STARD3NL: variants seen among roughly 807,000 people sequenced by gnomAD.
STARD3NL encodes STARD3 N-terminal like.
A neutral mutation model predicts 30.9 loss-of-function variants in STARD3NL; 17 were observed. The observed-to-expected ratio is 0.55, with a 90% confidence interval of 0.38 to 0.82. The LOEUF is 0.82. STARD3NL is among the 40% of genes least tolerant of loss of function. The pLI is 0.00. For missense variants in STARD3NL, 234 were observed against 277.6 expected, an observed-to-expected ratio of 0.84 and a Z score of 1.12; for synonymous variants, 112 against 100.5, an observed-to-expected ratio of 1.11 and a Z score of -0.69.
chr7:38,219,981 A>G (rs771170651), intron 7 of STARD3NL, among the ~76,000 whole-genome samples: 31 of 152,272 alleles, frequency 2.0e-4, no homozygotes, highest in Non-Finnish European at 3.8e-4. Context: ...TAGGACTCCC[A>G]TATCTGAGAA....
chr7:38,204,500 A>G (rs942000936), intron 1 of STARD3NL, among the ~76,000 whole-genome samples: 2 of 152,224 alleles, frequency 1.3e-5, no homozygotes, highest in African/African-American at 2.4e-5. Flanking sequence ...GTAGAGGGAA[A>G]TTTATAGTAC....
chr7:38,194,746 G>A (rs1784832601), intron 1 of STARD3NL, among the ~76,000 whole-genome samples: 2 of 151,840 alleles, frequency 1.3e-5, no homozygotes, highest in African/African-American at 4.8e-5. Context: ...GATTTATTAC[G>A]TGTTTTTTGG....
At chr7:38,196,675 C>T (rs751258119) in intron 1 of STARD3NL, among the ~76,000 whole-genome samples, 4 of 151,994 alleles carry the variant, frequency 2.6e-5, no homozygotes, top group Non-Finnish European at 4.4e-5. Context: ...AATAACTGGC[C>T]GAGTGAGTTT....
intron 2 of STARD3NL, among the ~76,000 whole-genome samples, chr7:38,214,154 T>C (rs574216055): frequency 1.3e-5 from 2 of 152,380 alleles, no homozygotes; most frequent in Admixed American, 6.5e-5. Context: ...CATTTATATC[T>C]GTTGAGTGAA....
intron 6 of STARD3NL, among the ~76,000 whole-genome samples, chr7:38,217,917 C>T (rs1437312245): frequency 6.6e-6 from 1 of 152,152 alleles, no homozygotes; most frequent in African/African-American, 2.4e-5. Context: ...TTTCACCATC[C>T]TCTGAGTAGC....
intron 1 of STARD3NL, among the ~76,000 whole-genome samples, chr7:38,182,266 C>T (rs1159712843): frequency 6.6e-6 from 1 of 152,146 alleles, no homozygotes; most frequent in African/African-American, 2.4e-5. Context: ...AACCTGTTTT[C>T]TGTTTTAGTT....
intron 2 of STARD3NL, 85 bp from the exon 3 acceptor site, chr7:38,214,268 TAGGC>T (rs1353649645): frequency 1.2e-6 from 1 of 809,852 alleles, no homozygotes; most frequent in African/African-American, 1.7e-5. Context: ...TCTGAGAAGA[TAGGC>T]AGGAAAGTTG....
At chr7:38,208,240 T>A (rs1238430078) in intron 2 of STARD3NL, among the ~76,000 whole-genome samples, 1 of 152,210 alleles carries the variant, frequency 6.6e-6, no homozygotes, top group Non-Finnish European at 1.5e-5. Context: ...TTTTAGATGT[T>A]TCATGTACTT....
chr7:38,191,376 A>G (rs1331211481), intron 1 of STARD3NL, among the ~76,000 whole-genome samples: 1 of 152,220 alleles, frequency 6.6e-6, no homozygotes, highest in Non-Finnish European at 1.5e-5. Flanking sequence ...AAGTTGTCCC[A>G]AATGGACCAG....
intron 1 of STARD3NL, among the ~76,000 whole-genome samples, chr7:38,179,795 C>A (rs1784174306): frequency 6.6e-6 from 1 of 152,208 alleles, no homozygotes; most frequent in Non-Finnish European, 1.5e-5. Context: ...TCAGGGAAGA[C>A]CTCCCTAAGG....
rs1302824267 is a variant in STARD3NL at position 38,213,560 on chromosome 7, C to T, written c.226-797C>T. On this transcript the variant is annotated intron_variant, in intron 2 of 8. Transcript: ENST00000009041. ...CCTTCCATTGGTCCTCTTTTAAACC[C>T]TCTGCATTTGTTTGCTCCCTCTGAT... 1.4e-4 allele frequency among the ~76,000 whole-genome samples: 22 copies of T among 152,128 alleles called. 1 individual carries two copies. The highest frequency in any genetic ancestry group is 1.4e-3 in the Admixed American group (21 of 15,276).
intron 1 of STARD3NL, among the ~76,000 whole-genome samples, chr7:38,181,523 A>G (rs1437082331): frequency 6.6e-6 from 1 of 152,252 alleles, no homozygotes; most frequent in Non-Finnish European, 1.5e-5. Context: ...AATATGGTAG[A>G]TGAATAATAA....
At chr7:38,211,055 A>C (rs1785771463) in intron 2 of STARD3NL, among the ~76,000 whole-genome samples, 1 of 152,228 alleles carries the variant, frequency 6.6e-6, no homozygotes, top group African/African-American at 2.4e-5. Flanking sequence ...AAAGGTCTGC[A>C]TGATTATAGT....
At chr7:38,196,095 C>T (rs62443320) in intron 1 of STARD3NL, among the ~76,000 whole-genome samples, 11,703 of 152,248 alleles carry the variant, frequency 0.077, 588 homozygotes, top group Non-Finnish European at 0.11. Context: ...TCAACCTGAC[C>T]AGCCTGTTGT....
intron 7 of STARD3NL, among the ~76,000 whole-genome samples, chr7:38,226,342 A>C (rs1786768799): frequency 6.6e-6 from 1 of 151,314 alleles, no homozygotes; most frequent in Non-Finnish European, 1.5e-5. Context: ...GTTTTCTCTC[A>C]GTTTTTTGTT....
intron 2 of STARD3NL, among the ~76,000 whole-genome samples, chr7:38,210,396 G>A (rs1327762268): frequency 6.6e-6 from 1 of 152,130 alleles, no homozygotes; most frequent in African/African-American, 2.4e-5. Flanking sequence ...AAACTACTTT[G>A]CCTTCATGTA....
intron 7 of STARD3NL, among the ~76,000 whole-genome samples, chr7:38,225,708 GA>G (rs1489012519): frequency 2.6e-5 from 4 of 151,884 alleles, no homozygotes; most frequent in African/African-American, 9.7e-5. Context: ...ATACTTATAT[GA>G]TTGATTTGAT....
intron 1 of STARD3NL, among the ~76,000 whole-genome samples, chr7:38,183,621 T>A (rs1414863242): frequency 6.6e-6 from 1 of 152,182 alleles, no homozygotes; most frequent in Admixed American, 6.5e-5. Context: ...GAAAGAAAGA[T>A]TACCAATTTA....
intron 1 of STARD3NL, among the ~76,000 whole-genome samples, chr7:38,189,292 A>T (rs1280425148): frequency 6.6e-6 from 1 of 152,242 alleles, no homozygotes; most frequent in Non-Finnish European, 1.5e-5. Flanking sequence ...TGGAAATAAT[A>T]TATAAAGATG....
Sources: allele counts gnomAD v4.1 joint callset (sites outside exome capture counted in the v4.1 genomes callset), GRCh38; gene constraint gnomAD v4.1.1; transcripts MANE v1.5; gene names NCBI Gene and HGNC (gene_info 2026-07-23, HGNC 2026-07-21).